NKAIN2: variants seen among roughly 807,000 people sequenced by gnomAD.
NKAIN2 encodes sodium/potassium transporting ATPase interacting 2.
Under a neutral mutation model 32.6 loss-of-function variants are expected in NKAIN2, and 14 were observed. The ratio of observed to expected loss-of-function variants is 0.43; its 90% CI spans 0.28 to 0.67. The LOEUF (loss-of-function observed/expected upper bound fraction) is 0.67, where lower values mean the gene tolerates loss of function less well. Ranked by LOEUF, NKAIN2 falls within the 30% of genes least tolerant of loss-of-function variation. The pLI, the probability that NKAIN2 is intolerant of heterozygous loss-of-function variation, is 0.17. For synonymous variants in NKAIN2, 80 were observed against 87.2 expected, an observed-to-expected ratio of 0.92 and a Z score of 0.46; for missense variants, 198 against 258.3, an observed-to-expected ratio of 0.77 and a Z score of 1.60.
chr6:124,693,533 A>ATCC (rs1197198355), intron 4 of NKAIN2, among the ~76,000 whole-genome samples: 2 of 152,170 alleles, frequency 1.3e-5, no homozygotes, highest in Non-Finnish European at 2.9e-5. Flanking sequence ...AGGTAGTGTT[A>ATCC]TCGAAAAAAG....
At chr6:123,875,911 C>G (rs1449242343) in intron 1 of NKAIN2, among the ~76,000 whole-genome samples, 1 of 151,936 alleles carries the variant, frequency 6.6e-6, no homozygotes, top group Non-Finnish European at 1.5e-5. Flanking sequence ...ATTATTATTA[C>G]TATGTATTAG....
intron 1 of NKAIN2, among the ~76,000 whole-genome samples, chr6:123,980,932 C>T (rs539488758): frequency 6.7e-6 from 1 of 149,896 alleles, no homozygotes; most frequent in Non-Finnish European, 1.5e-5. Flanking sequence ...TGCAGTGGTG[C>T]GATCTCTGCT....
intron 1 of NKAIN2, among the ~76,000 whole-genome samples, chr6:124,207,761 C>G (rs1412274033): frequency 6.6e-6 from 1 of 151,748 alleles, no homozygotes; most frequent in Non-Finnish European, 1.5e-5. Context: ...AAAATAAACC[C>G]TATTTTGTTT....
rs529963115 is a variant in NKAIN2, at chr6:123,823,695, G to T, written c.54+19441G>T. ...CACTCAGGGGATTTGAAGAGAAGAAGAATTATTGAAGAGAAAAGAAGTAAT... is the reference window on the plus strand; with the variant it reads ...CACTCAGGGGATTTGAAGAGAAGAATAATTATTGAAGAGAAAAGAAGTAAT... On this transcript the variant is annotated intron_variant, in intron 1 of 6. Coordinates refer to ENST00000368417, the MANE Select transcript of NKAIN2 (RefSeq NM_001040214.3). Among the ~76,000 whole-genome samples the T allele has an allele frequency of 7.2e-5, 11 of 152,170 alleles. No individual in the cohort carries two copies. The South Asian group carries it at 1.0e-3, about 14-fold the overall frequency.
intron 1 of NKAIN2, among the ~76,000 whole-genome samples, chr6:124,040,146 G>C (rs1211828520): frequency 6.6e-6 from 1 of 151,854 alleles, no homozygotes; most frequent in Non-Finnish European, 1.5e-5. Flanking sequence ...AGGGGAGTGA[G>C]CCTTAAATTT....
rs981167423 is a variant in NKAIN2, at chr6:124,713,550, T to G, written c.474+55164T>G. 9.9e-5 allele frequency among the ~76,000 whole-genome samples: 15 copies of G among 152,236 alleles called. 1 individual carries two copies. Among genetic ancestry groups the G allele is most frequent in the African/African-American group, 3.4e-4 (14 of 41,528 alleles). On this transcript the variant is annotated intron_variant, in intron 4 of 6. Coordinates refer to ENST00000368417, the MANE Select transcript of NKAIN2 (RefSeq NM_001040214.3). ...TAATGGAGGGGGTAGAGCTTACATTTCCATACTCGTAGCTTTGTGGTTTCA... is the reference window on the plus strand; with the variant it reads ...TAATGGAGGGGGTAGAGCTTACATTGCCATACTCGTAGCTTTGTGGTTTCA...
rs117774293 is a variant in NKAIN2, at chr6:124,216,182, G to C, written c.55-66823G>C. On this transcript the variant is annotated intron_variant, in intron 1 of 6. Transcript: ENST00000368417. ...CAGTCTAAATAGGAGCATGAGTATG[G>C]GAGAATGGGAGTATTTAGAAATATG... is the stretch of plus-strand genomic sequence containing the variant. 1.1e-3 allele frequency among the ~76,000 whole-genome samples: 168 copies of C among 151,830 alleles called. 2 individuals carry two copies. In the East Asian group the frequency reaches 0.027, roughly 24 times the overall value.
At chr6:124,783,140 A>G (rs1039754906) in intron 4 of NKAIN2, among the ~76,000 whole-genome samples, 3 of 152,194 alleles carry the variant, frequency 2.0e-5, no homozygotes, top group African/African-American at 4.8e-5. Flanking sequence ...GGTATTAACC[A>G]TAATGACATT....
chr6:124,739,002 T>C (rs1046436014), intron 4 of NKAIN2, among the ~76,000 whole-genome samples: 1 of 151,934 alleles, frequency 6.6e-6, no homozygotes, highest in Non-Finnish European at 1.5e-5. Flanking sequence ...GTGTTTAATA[T>C]ATTCTCTTAA....
At chr6:124,578,057 G>A (rs1781395416) in intron 3 of NKAIN2, among the ~76,000 whole-genome samples, 1 of 146,278 alleles carries the variant, frequency 6.8e-6, no homozygotes, top group Admixed American at 6.8e-5. Flanking sequence ...AGTCAACAGT[G>A]GTAGCCAGGA....
intron 1 of NKAIN2, among the ~76,000 whole-genome samples, chr6:124,128,357 CATTTT>C (rs1305046353): frequency 1.3e-5 from 2 of 152,166 alleles, no homozygotes; most frequent in African/African-American, 4.8e-5. Flanking sequence ...CGAAGCATTT[CATTTT>C]ATTTTAATTT....
chr6:123,871,015 C>A lies in NKAIN2; in HGVS notation c.54+66761C>A, dbSNP rs375013086. On this transcript the variant is annotated intron_variant, in intron 1 of 6. Coordinates refer to ENST00000368417, the MANE Select transcript of NKAIN2 (RefSeq NM_001040214.3). ...TTGCTCCATATACTTCAGTGGCATG[C>A]TTACATTGCTGATTCTTGATTTTTT... Among the ~76,000 whole-genome samples the A allele has an allele frequency of 3.5e-4, 53 of 152,198 alleles. No homozygotes were observed. The South Asian group carries it at 0.011, about 31-fold the overall frequency.
intron 1 of NKAIN2, among the ~76,000 whole-genome samples, chr6:123,806,972 T>C (rs927725474): frequency 2.6e-5 from 4 of 152,050 alleles, no homozygotes; most frequent in Non-Finnish European, 5.9e-5. Flanking sequence ...ATTGTGGATA[T>C]GGTGATCTCA....
chr6:124,342,946 G>C (rs1466940478), intron 2 of NKAIN2, among the ~76,000 whole-genome samples: 2 of 150,674 alleles, frequency 1.3e-5, no homozygotes, highest in African/African-American at 4.9e-5. Flanking sequence ...TCATCATTTA[G>C]CATTAGCTAT....
intron 1 of NKAIN2, among the ~76,000 whole-genome samples, chr6:124,031,815 G>A (rs1781419540): frequency 6.6e-6 from 1 of 152,074 alleles, no homozygotes; most frequent in Non-Finnish European, 1.5e-5. Flanking sequence ...TTGCTGAGGA[G>A]TGCTTTATTT....
At chr6:124,704,184 T>A (rs1774936252) in intron 4 of NKAIN2, among the ~76,000 whole-genome samples, 1 of 151,926 alleles carries the variant, frequency 6.6e-6, no homozygotes, top group African/African-American at 2.4e-5. Flanking sequence ...TAAAACCAAT[T>A]TGAAATGTGT....
At chr6:123,810,409 G>A (rs1773410384) in intron 1 of NKAIN2, among the ~76,000 whole-genome samples, 1 of 152,060 alleles carries the variant, frequency 6.6e-6, no homozygotes, top group African/African-American at 2.4e-5. Flanking sequence ...GTTGATTGAT[G>A]TCAGGCTCCT....
At position 124,157,256 on chromosome 6, in the gene NKAIN2, C is replaced by T. The variant is rs1318317833; in HGVS notation, c.55-125749C>T. Among the ~76,000 whole-genome samples the T allele has an allele frequency of 3.1e-5, 3 of 96,070 alleles. No individual in the cohort carries two copies. In the East Asian group the frequency reaches 9.2e-4, roughly 29 times the overall value. The allele number at this position is 96,070 out of a possible 152,430, so 63.0% of individuals were successfully genotyped here. A position where few individuals can be genotyped will look rare whatever the true frequency, so the allele number is the denominator to read the frequency against. ...TGGGAGGTGTGTCATAATGGACACA[C>T]ACACACACACATACACACACACACA... On this transcript the variant is annotated intron_variant, in intron 1 of 6. Transcript: ENST00000368417.
rs149782918 is a variant in NKAIN2, at chr6:124,069,056, G to A, written c.55-213949G>A. Among the ~76,000 whole-genome samples, 872 of 152,070 alleles carry A rather than the reference G, an allele frequency of 5.7e-3. 9 individuals carry two copies. The highest frequency in any genetic ancestry group is 0.019 in the African/African-American group (789 of 41,470). On this transcript the variant is annotated intron_variant, in intron 1 of 6. Coordinates refer to ENST00000368417, the MANE Select transcript of NKAIN2 (RefSeq NM_001040214.3). The stretch of plus-strand genomic sequence containing the variant: ...TTGTTTCCTTTTTAAAGTCTATTCC[G>A]TACAGGGATCACTACATTTTGAAAA...
Sources: gnomAD v4.1 joint callset for allele counts (sites outside exome capture counted in the v4.1 genomes callset) on GRCh38, gnomAD v4.1.1 for gene constraint, MANE v1.5 for transcripts, NCBI Gene and HGNC (gene_info 2026-07-23, HGNC 2026-07-21) for gene names.